ZC2HC1A: variants seen among roughly 807,000 people sequenced by gnomAD.
ZC2HC1A encodes the protein zinc finger C2HC-type containing 1A.
A neutral mutation model predicts 40.7 loss-of-function variants in ZC2HC1A; 28 were observed. The observed-to-expected ratio is 0.69, with a 90% CI of 0.51 to 0.94. ZC2HC1A has a LOEUF of 0.94. Ranked by LOEUF, ZC2HC1A falls within the 40% of genes least tolerant of loss-of-function variation. The pLI, the probability that ZC2HC1A is intolerant of heterozygous loss-of-function variation, is 0.00. For synonymous variants in ZC2HC1A, 129 were observed against 129.2 expected (o/e 1.00, Z 0.01); for missense variants, 389 against 386.3 (o/e 1.01, Z -0.06).
intron 2 of ZC2HC1A, among the ~76,000 whole-genome samples, chr8:78,676,986 C>T (rs1240211201): frequency 6.6e-6 from 1 of 151,854 alleles, no homozygotes. Context: ...ATCTGCTATC[C>T]TCATTTTTTA....
intron 7 of ZC2HC1A, among the ~76,000 whole-genome samples, chr8:78,707,162 A>G (rs1810799373): frequency 6.6e-6 from 1 of 152,200 alleles, no homozygotes; most frequent in South Asian, 2.1e-4. Context: ...ATTGGCCTCC[A>G]TGTTAGGTAA....
intron 7 of ZC2HC1A, among the ~76,000 whole-genome samples, chr8:78,712,553 CT>C (rs1375349640): frequency 6.6e-6 from 1 of 152,048 alleles, no homozygotes; most frequent in African/African-American, 2.4e-5. Context: ...TTTTAGGAAA[CT>C]TTCAATCCAA....
chr8:78,667,699 C>T (rs1376471975), intron 1 of ZC2HC1A, among the ~76,000 whole-genome samples: 1 of 152,044 alleles, frequency 6.6e-6, no homozygotes, highest in Non-Finnish European at 1.5e-5. Flanking sequence ...TTCTAGGTTG[C>T]AGCAAAGAAT....
chr8:78,681,767 G>T (rs1169305625), intron 3 of ZC2HC1A, among the ~76,000 whole-genome samples: 1 of 151,968 alleles, frequency 6.6e-6, no homozygotes, highest in East Asian at 1.9e-4. Flanking sequence ...GTTTTCCAAG[G>T]ACATTGCCCA....
chr8:78,679,274 T>C (rs1159354441), intron 3 of ZC2HC1A: 1 of 152,166 alleles, frequency 6.6e-6, no homozygotes, highest in Non-Finnish European at 1.5e-5. Flanking sequence ...ATATCTGTTA[T>C]ATATTATAGT....
chr8:78,716,415 A>G (rs899078345), intron 8 of ZC2HC1A, among the ~76,000 whole-genome samples: 6 of 151,912 alleles, frequency 3.9e-5, no homozygotes, highest in Admixed American at 1.3e-4. Context: ...GAGCCACCGC[A>G]CCCGGCCTAG....
chr8:78,684,135 T>G (rs1403547289), intron 3 of ZC2HC1A, among the ~76,000 whole-genome samples: 3 of 152,210 alleles, frequency 2.0e-5, no homozygotes, highest in Non-Finnish European at 4.4e-5. Context: ...CCAAAGTTGC[T>G]TACACATTTT....
At chr8:78,701,430 C>T (rs986929910) in intron 7 of ZC2HC1A, among the ~76,000 whole-genome samples, 1 of 152,182 alleles carries the variant, frequency 6.6e-6, no homozygotes, top group Non-Finnish European at 1.5e-5. Flanking sequence ...ATGATCATGT[C>T]ATCTGCCAGC....
chr8:78,707,114 C>T (rs1810798346), intron 7 of ZC2HC1A, among the ~76,000 whole-genome samples: 1 of 152,142 alleles, frequency 6.6e-6, no homozygotes, highest in Admixed American at 6.6e-5. Flanking sequence ...GCAATATGTG[C>T]TTTAATTTTA....
intron 4 of ZC2HC1A, 77 bp downstream of exon 4, chr8:78,686,685 T>G (rs1261541307): frequency 6.0e-5 from 81 of 1,343,144 alleles, no homozygotes; most frequent in Non-Finnish European, 7.3e-5. Context: ...TTTCACTTGT[T>G]AAGCTTAACT....
intron 1 of ZC2HC1A, 96 bp from the exon 2 acceptor site, chr8:78,675,689 CTG>C: frequency 8.8e-7 from 1 of 1,132,432 alleles, no homozygotes; most frequent in Non-Finnish European, 1.2e-6. Flanking sequence ...TTCACAAAAA[CTG>C]ATAATTTACC....
intron 5 of ZC2HC1A, among the ~76,000 whole-genome samples, chr8:78,694,411 G>C (rs1810330261): frequency 6.6e-6 from 1 of 151,888 alleles, no homozygotes; most frequent in African/African-American, 2.4e-5. Flanking sequence ...CAGAGAAGAT[G>C]TGTGCTGTGC....
chr8:78,683,409 G>A (rs1006708894), intron 3 of ZC2HC1A, among the ~76,000 whole-genome samples: 3 of 152,148 alleles, frequency 2.0e-5, no homozygotes, highest in African/African-American at 7.2e-5. Flanking sequence ...TGCACCTGTG[G>A]GCTCAACACC....
chr8:78,670,057 T>G lies in ZC2HC1A; in HGVS notation c.16+3893T>G, dbSNP rs144448149. On this transcript the variant is annotated intron_variant, in intron 1 of 8. Coordinates refer to ENST00000263849, the MANE Select transcript of ZC2HC1A (RefSeq NM_016010.3). ...ATCTGGGCTCACCACAACCTCCGCC[T>G]TCTGGGTTCAAGCGATTCTCCTCCC... is the stretch of plus-strand genomic sequence containing the variant. Among the ~76,000 whole-genome samples, 953 of 150,196 alleles carry G rather than the reference T, an allele frequency of 6.3e-3. 9 individuals are homozygous for G. The highest frequency in any genetic ancestry group is 0.022 in the African/African-American group (899 of 40,996).
intron 7 of ZC2HC1A, among the ~76,000 whole-genome samples, chr8:78,706,689 A>G (rs989691056): frequency 3.9e-5 from 6 of 152,026 alleles, no homozygotes; most frequent in Non-Finnish European, 7.4e-5. Context: ...AAGGTGCTGT[A>G]TTTACTCACC....
chr8:78,706,752 G>A (rs1377686841), intron 7 of ZC2HC1A, among the ~76,000 whole-genome samples: 1 of 151,928 alleles, frequency 6.6e-6, no homozygotes, highest in Non-Finnish European at 1.5e-5. Flanking sequence ...ATTCATTTTG[G>A]TTTTTATGTG....
At position 78,674,582 on chromosome 8, in the gene ZC2HC1A, T is replaced by C. The variant is rs894197669; in HGVS notation, c.17-1205T>C. Reference sequence around the variant, plus strand: ...GGAGAAGGACAAGTCAGGCAAATCTTAGCTTTGCTTTTGTAGTGTTGACTG... The same window carrying C: ...GGAGAAGGACAAGTCAGGCAAATCTCAGCTTTGCTTTTGTAGTGTTGACTG... On this transcript the variant is annotated intron_variant, in intron 1 of 8. Transcript: ENST00000263849. Among the ~76,000 whole-genome samples the C allele has an allele frequency of 9.9e-5, 15 of 152,138 alleles. 1 individual carries two copies. The highest frequency in any genetic ancestry group is 9.8e-4 in the Admixed American group (15 of 15,266).
chr8:78,716,253 G>T (rs1370472619), intron 8 of ZC2HC1A, among the ~76,000 whole-genome samples: 1 of 151,404 alleles, frequency 6.6e-6, no homozygotes. Flanking sequence ...CTCCCGAGTA[G>T]CTGGGACTAC....
chr8:78,668,327 G>A (rs1809358060), intron 1 of ZC2HC1A, among the ~76,000 whole-genome samples: 1 of 152,118 alleles, frequency 6.6e-6, no homozygotes, highest in African/African-American at 2.4e-5. Flanking sequence ...GTACTTTGAA[G>A]GTGTTTAATA....
Sources: allele counts gnomAD v4.1 joint callset (sites outside exome capture counted in the v4.1 genomes callset), GRCh38; gene constraint gnomAD v4.1.1; transcripts MANE v1.5; gene names NCBI Gene and HGNC (gene_info 2026-07-23, HGNC 2026-07-21).